AMBRA1: variants seen among roughly 807,000 people sequenced by gnomAD.
The protein encoded by AMBRA1 is activating molecule in BECN1-regulated autophagy protein 1.
In AMBRA1, 47 loss-of-function variants were observed where a neutral mutation model predicts 125.4. The ratio of observed to expected loss-of-function variants is 0.37; its 90% CI spans 0.30 to 0.48. The LOEUF (loss-of-function observed/expected upper bound fraction) is 0.48, where lower values mean the gene tolerates loss of function less well. AMBRA1 is among the 20% of genes least tolerant of loss of function. The pLI, the probability that AMBRA1 is intolerant of heterozygous loss-of-function variation, is 0.99. For synonymous variants in AMBRA1, 626 were observed against 655.5 expected, an observed-to-expected ratio of 0.95 and a Z score of 0.69; for missense variants, 1,331 against 1,693.4, an observed-to-expected ratio of 0.79 and a Z score of 3.76.
rs1279113688 is a variant in AMBRA1 at position 46,397,580 on chromosome 11, A to G, written c.3767T>C (p.Ile1256Thr). 6.3e-7 allele frequency: 1 copy of G among 1,590,040 alleles called. No homozygotes were observed. The highest frequency in any genetic ancestry group is 1.1e-5 in the South Asian group (1 of 87,740). Residue 1256 changes from isoleucine (I) to threonine (T), a missense_variant, in exon 18 of 18, where the codon ATT becomes ACT. Transcript: ENST00000683756. ...PTLPSSSPVP[I>T]PVSLPSAEGP... The stretch of plus-strand genomic sequence containing the variant: ...CTCAGCGCTGGGAAGGGAAACAGGA[A>G]TGGGGACAGGGGAGGAAGAGGGCAG...
At chr11:46,434,727 C>T (rs994510744) in intron 13 of AMBRA1, 122 bp downstream of exon 13, 8 of 1,051,216 alleles carry the variant, frequency 7.6e-6, no homozygotes, top group Non-Finnish European at 9.4e-6. Context: ...CTGGCCTGTG[C>T]CCCAGTGAAG....
chr11:46,479,211 G>GA (rs1294584397), intron 11 of AMBRA1, among the ~76,000 whole-genome samples: 11 of 149,900 alleles, frequency 7.3e-5, no homozygotes, highest in South Asian at 2.1e-4. Context: ...AGAAAGAAAA[G>GA]AAAAAAAAAG....
At chr11:46,466,721 C>T (rs1329656655) in intron 11 of AMBRA1, among the ~76,000 whole-genome samples, 1 of 151,958 alleles carries the variant, frequency 6.6e-6, no homozygotes, top group East Asian at 1.9e-4. Context: ...TTATTTTTAT[C>T]AAAGTACTAC....
At chr11:46,503,504 G>A (rs965332417) in intron 9 of AMBRA1, among the ~76,000 whole-genome samples, 99 of 152,310 alleles carry the variant, frequency 6.5e-4, no homozygotes, top group African/African-American at 2.3e-3. Flanking sequence ...AATTACCAGT[G>A]TGACAGACAG....
chr11:46,545,472 T>C (rs1360796185), intron 5 of AMBRA1, 132 bp downstream of exon 5: 21 of 1,026,916 alleles, frequency 2.0e-5, no homozygotes, highest in Admixed American at 2.0e-4. Context: ...AAAAAAAAAA[T>C]AGGAGGAGCT....
chr11:46,535,547 A>G (rs967096680), intron 7 of AMBRA1, among the ~76,000 whole-genome samples: 1 of 152,216 alleles, frequency 6.6e-6, no homozygotes, highest in Non-Finnish European at 1.5e-5. Flanking sequence ...GAACCTTCGC[A>G]TTTAAATTGG....
chr11:46,435,112 C>A, intron 12 of AMBRA1, 75 bp from the exon 13 acceptor site: 1 of 1,339,858 alleles, frequency 7.5e-7, no homozygotes, highest in Non-Finnish European at 1.0e-6. Context: ...GGCCAAGAAA[C>A]TTTAGGGACT....
intron 11 of AMBRA1, among the ~76,000 whole-genome samples, chr11:46,487,973 TCTC>T (rs1332728339): frequency 6.6e-6 from 1 of 152,020 alleles, no homozygotes; most frequent in Non-Finnish European, 1.5e-5. Flanking sequence ...GAAAATGATA[TCTC>T]ATGTAATCAA....
intron 11 of AMBRA1, among the ~76,000 whole-genome samples, chr11:46,454,078 C>T (rs1336046767): frequency 6.6e-6 from 1 of 151,922 alleles, no homozygotes; most frequent in Non-Finnish European, 1.5e-5. Flanking sequence ...CTACTGAGGC[C>T]AAAGGCACTG....
At chr11:46,475,865 C>A (rs1949792763) in intron 11 of AMBRA1, among the ~76,000 whole-genome samples, 1 of 152,182 alleles carries the variant, frequency 6.6e-6, no homozygotes, top group South Asian at 2.1e-4. Flanking sequence ...GCAAAGAAAG[C>A]AGGCAGCTTC....
chr11:46,571,132 G>A (rs189821297), intron 1 of AMBRA1, among the ~76,000 whole-genome samples: 14 of 152,214 alleles, frequency 9.2e-5, no homozygotes, highest in East Asian at 5.8e-4. Context: ...CTTCAATTCC[G>A]CTGATATTCT....
At chr11:46,440,261 C>G (rs1449319715) in intron 12 of AMBRA1, among the ~76,000 whole-genome samples, 2 of 152,068 alleles carry the variant, frequency 1.3e-5, no homozygotes, top group African/African-American at 2.4e-5. Flanking sequence ...AACAAATAAG[C>G]TCTTTATATA....
Position 46,574,994 on chromosome 11 carries a change from A to AACT in AMBRA1, c.-121+18833_-121+18834insAGT, listed in dbSNP as rs1325727347. ...ATCTACAGTGTTAATAGTTGTTGCC[A>AACT]ATTCAAGAAAGCTCAATAAATATAT... is the stretch of plus-strand genomic sequence containing the variant. On this transcript the variant is annotated intron_variant, in intron 1 of 17. Coordinates refer to ENST00000683756, the MANE Select transcript of AMBRA1 (RefSeq NM_001387011.1). Among the ~76,000 whole-genome samples the AACT allele has an allele frequency of 3.9e-5, 6 of 152,360 alleles. No individual in the cohort carries two copies. In the East Asian group the frequency reaches 1.2e-3, roughly 29 times the overall value.
intron 1 of AMBRA1, among the ~76,000 whole-genome samples, chr11:46,550,874 C>A (rs1471467994): frequency 6.8e-6 from 1 of 146,970 alleles, no homozygotes; most frequent in Non-Finnish European, 1.5e-5. Context: ...ATCGCGAGGT[C>A]AGGAGATCGA....
chr11:46,570,662 T>C (rs76886784), intron 1 of AMBRA1, among the ~76,000 whole-genome samples: 2 of 151,620 alleles, frequency 1.3e-5, no homozygotes, highest in East Asian at 3.9e-4. Context: ...GCTGTTAATA[T>C]TTTTTTTTAA....
chr11:46,454,306 G>GGCGTGAGCCATCATGCCTGGCAAACTGT, intron 11 of AMBRA1, among the ~76,000 whole-genome samples: 1 of 151,868 alleles, frequency 6.6e-6, no homozygotes, highest in African/African-American at 2.4e-5. Flanking sequence ...TGAGATTACA[G>GGCGTGAGCCATCATGCCTGGCAAACTGT]GCGTGAGCCA....
At chr11:46,547,946 C>A in intron 2 of AMBRA1, 71 bp from the exon 3 acceptor site, 1 of 1,501,102 alleles carries the variant, frequency 6.7e-7, no homozygotes, top group Non-Finnish European at 9.0e-7. Context: ...ATCTCAAAAG[C>A]ACATTAACCA....
At chr11:46,500,369 AGAAAAC>A (rs1950791199) in intron 9 of AMBRA1, among the ~76,000 whole-genome samples, 1 of 152,224 alleles carries the variant, frequency 6.6e-6, no homozygotes, top group Non-Finnish European at 1.5e-5. Flanking sequence ...CTCCACACTT[AGAAAAC>A]ATCAAGCCCT....
chr11:46,591,851 C>T (rs1247073386), intron 1 of AMBRA1, among the ~76,000 whole-genome samples: 4 of 151,466 alleles, frequency 2.6e-5, no homozygotes, highest in African/African-American at 9.7e-5. Context: ...AGCAAGACTC[C>T]GTCTCAAAAA....
Sources: gnomAD v4.1 joint callset for allele counts (sites outside exome capture counted in the v4.1 genomes callset) on GRCh38, gnomAD v4.1.1 for gene constraint, MANE v1.5 for transcripts, NCBI Gene and HGNC (gene_info 2026-07-23, HGNC 2026-07-21) for gene names.